PTPRB: variants seen among roughly 807,000 people sequenced by gnomAD.
PTPRB encodes the protein receptor-type tyrosine-protein phosphatase beta.
PTPRB carries 97 observed loss-of-function variants against 238.1 expected under a neutral mutation model. The observed-to-expected ratio is 0.41, with a 90% CI of 0.35 to 0.48. PTPRB has a LOEUF of 0.48. PTPRB is among the 20% of genes least tolerant of loss of function. The pLI, the probability that PTPRB is intolerant of heterozygous loss-of-function variation, is 0.30. For missense variants in PTPRB, 2,292 were observed against 2,681.9 expected, an observed-to-expected ratio of 0.85 and a Z score of 3.21; for synonymous variants, 970 against 995.4, an observed-to-expected ratio of 0.97 and a Z score of 0.48.
intron 7 of PTPRB, 84 bp from the exon 8 acceptor site, chr12:70,590,317 T>C (rs1031943014): frequency 7.4e-7 from 1 of 1,358,774 alleles, no homozygotes; most frequent in African/African-American, 1.5e-5. Flanking sequence ...CAGCAGTAGA[T>C]AGGAGACACA....
In PTPRB at chr12:70,520,469, A is replaced by G. The variant is rs542980570; in HGVS notation, c.*1020T>C. On this transcript the variant is annotated 3_prime_UTR_variant, in exon 34 of 34. Coordinates refer to ENST00000334414, the MANE Select transcript of PTPRB (RefSeq NM_001109754.4). ...ATATATGATGTTTGTAGTCATTTCT[A>G]TGAAAATGTTGGCATTAAGCCTTTT... The G allele has an allele frequency of 2.2e-4, 43 of 195,582 alleles. No individual in the cohort carries two copies. The highest frequency in any genetic ancestry group is 4.3e-4 in the Non-Finnish European group (40 of 94,080). 12.1% of individuals were successfully genotyped at this position (195,582 alleles called of 1,614,324 possible). A position where few individuals can be genotyped will look rare whatever the true frequency, so the allele number is the denominator to read the frequency against.
At chr12:70,554,873 A>G (rs1395515668) in intron 20 of PTPRB, among the ~76,000 whole-genome samples, 1 of 152,228 alleles carries the variant, frequency 6.6e-6, no homozygotes, top group Non-Finnish European at 1.5e-5. Context: ...CACAGCACGT[A>G]GTAAGGGCTC....
intron 9 of PTPRB, among the ~76,000 whole-genome samples, chr12:70,583,881 T>TA (rs36005314): frequency 6.6e-6 from 1 of 151,990 alleles, no homozygotes; most frequent in Non-Finnish European, 1.5e-5. Context: ...AGGCTTACAG[T>TA]AAAAAGAAAT....
At chr12:70,594,903 C>A (rs1882853110) in intron 5 of PTPRB, among the ~76,000 whole-genome samples, 179 bp from the exon 6 acceptor site, 1 of 152,176 alleles carries the variant, frequency 6.6e-6, no homozygotes, top group Non-Finnish European at 1.5e-5. Flanking sequence ...GTGCTCTTTT[C>A]AAAGTCTGCA....
intron 14 of PTPRB, among the ~76,000 whole-genome samples, chr12:70,567,407 A>G (rs1315563272): frequency 6.6e-6 from 1 of 151,556 alleles, no homozygotes; most frequent in East Asian, 1.9e-4. Context: ...TCCAAATTGG[A>G]CTCCTCATCT....
rs1158471490 is a variant in PTPRB at position 70,569,269 on chromosome 12, A to T, written c.3634+406T>A. On this transcript the variant is annotated intron_variant, in intron 14 of 33. Transcript: ENST00000334414. ...AGGTGTGCACCACCACGCCTGGCTA[A>T]TTTTTTGTATTTTTAGTAGAAATGG... Among the ~76,000 whole-genome samples the T allele has an allele frequency of 2.6e-5, 4 of 151,782 alleles. No individual in the cohort carries two copies. The South Asian group carries it at 6.2e-4, about 24-fold the overall frequency.
intron 24 of PTPRB, 36 bp downstream of exon 24, chr12:70,539,903 T>G (rs1285515282): frequency 6.3e-7 from 1 of 1,583,922 alleles, no homozygotes; most frequent in East Asian, 2.2e-5. Context: ...AATACCATCT[T>G]TCAACAAATT....
chr12:70,580,112 T>A (rs1406432973), intron 10 of PTPRB, among the ~76,000 whole-genome samples: 1 of 152,176 alleles, frequency 6.6e-6, no homozygotes, highest in Non-Finnish European at 1.5e-5. Flanking sequence ...TCTTTCATTG[T>A]ATTACATAGA....
At chr12:70,637,287 T>C (rs1453196280) in intron 1 of PTPRB, 54 bp downstream of exon 1, 1 of 1,507,818 alleles carries the variant, frequency 6.6e-7, no homozygotes, top group Non-Finnish European at 9.1e-7. Flanking sequence ...GACCAGGGAC[T>C]CCTTGGCTAG....
intron 2 of PTPRB, 75 bp downstream of exon 2, chr12:70,635,596 A>ACAAT: frequency 6.7e-7 from 1 of 1,491,478 alleles, no homozygotes; most frequent in South Asian, 1.3e-5. Context: ...AAACAAACAA[A>ACAAT]CAAACAAACA....
rs1340352590 is a variant in PTPRB, at chr12:70,626,296, C to CATCCATCT, written c.452-3651_452-3650insAGATGGAT. On this transcript the variant is annotated intron_variant, in intron 2 of 33. Coordinates refer to ENST00000334414, the MANE Select transcript of PTPRB (RefSeq NM_001109754.4). ...TAGAAAAGGATGATGTCTATCCATC[C>CATCCATCT]ATCTATCTATCTATCTATCTATCTA... is the stretch of plus-strand genomic sequence containing the variant. 8.5e-4 allele frequency among the ~76,000 whole-genome samples: 78 copies of CATCCATCT among 91,938 alleles called. 2 individuals are homozygous for CATCCATCT. The East Asian group carries it at 0.012, about 14-fold the overall frequency. 60.3% of individuals were successfully genotyped at this position (91,938 alleles called of 152,430 possible). A position where few individuals can be genotyped will look rare whatever the true frequency, so the allele number is the denominator to read the frequency against.
intron 4 of PTPRB, among the ~76,000 whole-genome samples, chr12:70,605,344 T>C (rs1328414019): frequency 1.3e-5 from 2 of 152,314 alleles, no homozygotes; most frequent in African/African-American, 4.8e-5. Context: ...TCTGTATCTA[T>C]ATATTGGTCT....
chr12:70,571,441 T>C, intron 12 of PTPRB, 152 bp from the exon 13 acceptor site: 1 of 791,364 alleles, frequency 1.3e-6, no homozygotes, highest in South Asian at 2.0e-5. Flanking sequence ...ACAAGAAAAA[T>C]TGGAAGCAAC....
In PTPRB at chr12:70,596,233, G is replaced by C. The variant is rs762681972; in HGVS notation, c.1074C>G (p.Thr358=). The C allele has an allele frequency of 6.2e-7, 1 of 1,613,406 alleles. No individual in the cohort carries two copies. The highest frequency in any genetic ancestry group is 8.5e-7 in the Non-Finnish European group (1 of 1,179,758). ...CATCAAATAATTGCACCTCATATGA[G>C]GTGACTTTTCCGGAAGAAGGAGTCC... ...VWWTPSSGKV[T]SYEVQLFDEN... is the part of the protein sequence containing the mutation. Residue 358 remains threonine, a synonymous_variant, in exon 5 of 34, where the codon ACC becomes ACG. Transcript: ENST00000334414.
At position 70,538,205 on chromosome 12, in the gene PTPRB, T is replaced by C; in HGVS notation, c.5896A>G (p.Asn1966Asp). ...PYDATRVKLSNVDDDPCSDYI... is the reference protein window; with the variant it reads ...PYDATRVKLSDVDDDPCSDYI... ...TCAGAGCAAGGATCATCATCTACAT[T>C]GGAGAGCTTCACTCGCGTGGCATCA... is the stretch of plus-strand genomic sequence containing the variant. The change falls in exon 28 of 34, where the codon AAT becomes GAT. Residue 1966 changes from asparagine to aspartate, a missense_variant. Asn to Asp is a conservative substitution (Grantham distance 23, BLOSUM62 1). This residue lies in a region of PTPRB where 397 missense variants were observed against 502.0 expected (regional missense o/e 0.79). Coordinates refer to ENST00000334414, the MANE Select transcript of PTPRB (RefSeq NM_001109754.4). 1 of 1,613,720 alleles carries C rather than the reference T, an allele frequency of 6.2e-7. No individual in the cohort carries two copies. Among genetic ancestry groups the C allele is most frequent in the Non-Finnish European group, 8.5e-7 (1 of 1,179,792 alleles).
intron 27 of PTPRB, 167 bp from the exon 28 acceptor site, chr12:70,538,398 G>A (rs1050150869): frequency 1.7e-6 from 1 of 572,744 alleles, no homozygotes; most frequent in Non-Finnish European, 3.1e-6. Flanking sequence ...GCCCCATGTT[G>A]CATAGGTGGC....
chr12:70,565,967 T>A (rs540021668), intron 15 of PTPRB, among the ~76,000 whole-genome samples: 3 of 151,878 alleles, frequency 2.0e-5, no homozygotes, highest in African/African-American at 7.3e-5. Context: ...CATGCAGAGA[T>A]TGGAGCAATG....
intron 4 of PTPRB, among the ~76,000 whole-genome samples, chr12:70,601,013 G>A (rs535371143): frequency 7.9e-5 from 12 of 151,930 alleles, no homozygotes; most frequent in African/African-American, 1.5e-4. Flanking sequence ...GATTACAGGC[G>A]CCTGCCACCA....
At chr12:70,569,990 A>C (rs17108351) in intron 13 of PTPRB, 52 bp from the exon 14 acceptor site, 301,526 of 1,498,312 alleles carry the variant, frequency 0.2, 33,786 homozygotes, top group African/African-American at 0.42. Context: ...GAACTGTTGA[A>C]ATTTTCAAAC....
Sources: allele counts gnomAD v4.1 joint callset (sites outside exome capture counted in the v4.1 genomes callset), GRCh38; gene constraint gnomAD v4.1.1; regional missense constraint gnomAD v4.1.1; transcripts MANE v1.5; gene names NCBI Gene and HGNC (gene_info 2026-07-23, HGNC 2026-07-21).